The following L3MBTL4 variants were observed in gnomAD, a reference collection of about 807,000 sequenced individuals.
L3MBTL4 encodes the protein L3MBTL histone methyl-lysine binding protein 4.
In L3MBTL4, 70 loss-of-function variants were observed where a neutral mutation model predicts 84.5. The ratio of observed to expected loss-of-function variants is 0.83; its 90% CI spans 0.68 to 1.01. The LOEUF is 1.01. Ranked by LOEUF, L3MBTL4 falls within the 50% of genes least tolerant of loss-of-function variation. The pLI, the probability that L3MBTL4 is intolerant of heterozygous loss-of-function variation, is 0.00. For missense variants in L3MBTL4, 715 were observed against 754.8 expected (o/e 0.95, Z 0.62); for synonymous variants, 274 against 259.8 (o/e 1.05, Z -0.52).
intron 10 of L3MBTL4, among the ~76,000 whole-genome samples, chr18:6,222,235 T>G (rs948801541): frequency 3.3e-5 from 5 of 152,164 alleles, no homozygotes; most frequent in African/African-American, 1.2e-4. Context: ...TACGTCAGAT[T>G]TTTTACTTGA....
chr18:6,349,359 T>C (rs1335939815), intron 1 of L3MBTL4, among the ~76,000 whole-genome samples: 1 of 152,212 alleles, frequency 6.6e-6, no homozygotes, highest in Non-Finnish European at 1.5e-5. Flanking sequence ...AGAAAAAATT[T>C]TTAAACTACT....
chr18:6,044,444 T>C (rs149348151), intron 16 of L3MBTL4, among the ~76,000 whole-genome samples: 193 of 152,268 alleles, frequency 1.3e-3, no homozygotes, highest in African/African-American at 4.5e-3. Context: ...AGAAGGTGTT[T>C]CTCAAGTGGA....
intron 16 of L3MBTL4, among the ~76,000 whole-genome samples, chr18:6,009,943 T>C (rs1421154841): frequency 6.6e-6 from 1 of 152,230 alleles, no homozygotes; most frequent in Non-Finnish European, 1.5e-5. Flanking sequence ...GAGTCAGCTA[T>C]GCACTTAAGA....
intron 5 of L3MBTL4, among the ~76,000 whole-genome samples, chr18:6,246,818 C>T (rs188194426): frequency 4.6e-5 from 7 of 152,168 alleles, no homozygotes; most frequent in African/African-American, 1.2e-4. Context: ...GCAGGAGAAT[C>T]GCTTGAACCC....
chr18:6,189,688 C>A (rs1377433706), intron 12 of L3MBTL4, among the ~76,000 whole-genome samples: 1 of 151,724 alleles, frequency 6.6e-6, no homozygotes, highest in Non-Finnish European at 1.5e-5. Context: ...GAAAAATGAT[C>A]TAAAAAGGAA....
At chr18:6,130,309 A>T (rs2059834096) in intron 14 of L3MBTL4, among the ~76,000 whole-genome samples, 1 of 150,778 alleles carries the variant, frequency 6.6e-6, no homozygotes, top group African/African-American at 2.4e-5. Flanking sequence ...AAAAGAAGAA[A>T]ACATCTAAAA....
At chr18:6,359,718 T>C (rs1010027244) in intron 1 of L3MBTL4, among the ~76,000 whole-genome samples, 1 of 152,146 alleles carries the variant, frequency 6.6e-6, no homozygotes, top group African/African-American at 2.4e-5. Flanking sequence ...TCTAGCACTC[T>C]GTTGAAGTAC....
intron 10 of L3MBTL4, among the ~76,000 whole-genome samples, chr18:6,230,840 A>T (rs1454292467): frequency 6.6e-6 from 1 of 151,378 alleles, no homozygotes; most frequent in Non-Finnish European, 1.5e-5. Context: ...TTCTCTAATG[A>T]GTGAGCATAT....
intron 16 of L3MBTL4, among the ~76,000 whole-genome samples, chr18:6,018,325 C>G (rs1485417334): frequency 2.0e-5 from 3 of 152,282 alleles, no homozygotes; most frequent in African/African-American, 7.2e-5. Context: ...GTTTCCAGAA[C>G]TGGTCTCAGG....
At position 6,268,407 on chromosome 18, in the gene L3MBTL4, C is replaced by CA. The variant is rs374801819; in HGVS notation, c.128-4370dup. ...GGGCAATAAGAACAAAACTCTGTCT[C>CA]AAAAAAAAAATTGTTTAATGAATTA... On this transcript the variant is annotated intron_variant, in intron 4 of 18. Transcript: ENST00000317931. 9.1e-3 allele frequency among the ~76,000 whole-genome samples: 1,349 copies of CA among 148,258 alleles called. 19 individuals carry two copies. The highest frequency in any genetic ancestry group is 0.031 in the African/African-American group (1,249 of 40,498).
At chr18:6,311,948 C>A in intron 2 of L3MBTL4, 50 bp downstream of exon 2, 1 of 260,472 alleles carries the variant, frequency 3.8e-6, no homozygotes, top group South Asian at 4.9e-5. Context: ...CTTAGCTGAC[C>A]TAACCAATTA....
chr18:6,247,164 T>C (rs150408530), intron 5 of L3MBTL4, among the ~76,000 whole-genome samples: 1 of 152,300 alleles, frequency 6.6e-6, no homozygotes, highest in Non-Finnish European at 1.5e-5. Context: ...GTAGTGTATT[T>C]TCCCTAAGAA....
chr18:6,357,721 A>G (rs2053509794), intron 1 of L3MBTL4, among the ~76,000 whole-genome samples: 1 of 152,252 alleles, frequency 6.6e-6, no homozygotes, highest in Non-Finnish European at 1.5e-5. Flanking sequence ...CCATATGCAT[A>G]TACGACAGAG....
At chr18:5,970,331 G>A (rs2052579044) in intron 16 of L3MBTL4, among the ~76,000 whole-genome samples, 1 of 152,254 alleles carries the variant, frequency 6.6e-6, no homozygotes, top group Non-Finnish European at 1.5e-5. Context: ...ATTGGCTGCT[G>A]CAACCAAGGA....
At chr18:6,051,619 CG>C (rs956193778) in intron 16 of L3MBTL4, among the ~76,000 whole-genome samples, 8 of 151,754 alleles carry the variant, frequency 5.3e-5, no homozygotes, top group African/African-American at 1.9e-4. Flanking sequence ...TGGATGATTG[CG>C]GCCCTTTCTT....
In L3MBTL4 at chr18:6,349,635, A is replaced by C. The variant is rs527246225; in HGVS notation, c.-90-37579T>G. 3.3e-5 allele frequency among the ~76,000 whole-genome samples: 5 copies of C among 152,224 alleles called. No individual in the cohort carries two copies. In the South Asian group the frequency reaches 1.0e-3, roughly 32 times the overall value. On this transcript the variant is annotated intron_variant, in intron 1 of 18. Transcript: ENST00000317931. ...CTTGGGAGGCTGAGGCAGGAGAATCACTTGAGCTCAGGGGATTGAGGCTGC... is the reference window on the plus strand; with the variant it reads ...CTTGGGAGGCTGAGGCAGGAGAATCCCTTGAGCTCAGGGGATTGAGGCTGC...
chr18:6,169,320 C>T (rs965163475), intron 13 of L3MBTL4, among the ~76,000 whole-genome samples: 2 of 152,178 alleles, frequency 1.3e-5, no homozygotes, highest in African/African-American at 4.8e-5. Flanking sequence ...CCAGCCATCC[C>T]ATTACTGGGT....
chr18:6,303,298 T>C (rs1454534171), intron 3 of L3MBTL4, among the ~76,000 whole-genome samples: 1 of 152,056 alleles, frequency 6.6e-6, no homozygotes, highest in East Asian at 2.0e-4. Flanking sequence ...TTTTTGTATT[T>C]TTAGTAATGA....
At chr18:6,256,409 T>C (rs2048141331) in intron 5 of L3MBTL4, among the ~76,000 whole-genome samples, 1 of 151,906 alleles carries the variant, frequency 6.6e-6, no homozygotes. Context: ...CTAGGACAAT[T>C]AGGAGGTTAA....
Sources: allele counts gnomAD v4.1 joint callset (sites outside exome capture counted in the v4.1 genomes callset), GRCh38; gene constraint gnomAD v4.1.1; transcripts MANE v1.5; gene names NCBI Gene and HGNC (gene_info 2026-07-23, HGNC 2026-07-21).